The following CCDC178 variants were observed in gnomAD, a reference collection of about 807,000 sequenced individuals.
CCDC178 encodes coiled-coil domain containing 178, also known as coiled-coil domain-containing protein 178.
Under a neutral mutation model 117.4 loss-of-function variants are expected in CCDC178, and 126 were observed. The observed-to-expected ratio is 1.07, with a 90% CI of 0.93 to 1.24. CCDC178 has a LOEUF of 1.24. Among genes scored for constraint, CCDC178 ranks in the 50% most tolerant of loss-of-function variants. The probability of loss-of-function intolerance (pLI) is 0.00; values close to 1 mark genes in which losing one functional copy is unlikely to be tolerated. For synonymous variants in CCDC178, 283 were observed against 313.4 expected (o/e 0.90, Z 1.02); for missense variants, 1,030 against 986.9 (o/e 1.04, Z -0.59).
intron 12 of CCDC178, among the ~76,000 whole-genome samples, chr18:33,282,216 A>G (rs1371199173): frequency 2.6e-5 from 4 of 152,166 alleles, no homozygotes; most frequent in Admixed American, 2.6e-4. Context: ...GCAGGAAGGG[A>G]CCCCTTGACC....
intron 21 of CCDC178, among the ~76,000 whole-genome samples, chr18:32,996,859 T>C (rs567353040): frequency 5.2e-4 from 79 of 152,132 alleles, no homozygotes; most frequent in African/African-American, 1.7e-3. Flanking sequence ...AAAGAGATCA[T>C]ATAAATCAAT....
intron 21 of CCDC178, among the ~76,000 whole-genome samples, chr18:32,989,791 G>A (rs1408962015): frequency 6.6e-6 from 1 of 151,976 alleles, no homozygotes; most frequent in African/African-American, 2.4e-5. Flanking sequence ...GGGAGGGCCT[G>A]AGCAATGTAG....
chr18:33,254,850 A>G (rs1176115204), intron 14 of CCDC178, among the ~76,000 whole-genome samples: 2 of 152,052 alleles, frequency 1.3e-5, no homozygotes, highest in Non-Finnish European at 2.9e-5. Context: ...AGGCTAGAAC[A>G]TAAGGATTGC....
At chr18:33,092,650 A>T in intron 21 of CCDC178, 111 bp downstream of exon 21, 1 of 614,986 alleles carries the variant, frequency 1.6e-6, no homozygotes, top group Non-Finnish European at 2.9e-6. Context: ...AAAATAGGCC[A>T]TGTTGTGGAT....
chr18:33,295,558 T>TA (rs1451273069), intron 11 of CCDC178, among the ~76,000 whole-genome samples: 1 of 152,154 alleles, frequency 6.6e-6, no homozygotes, highest in African/African-American at 2.4e-5. Flanking sequence ...TTAAAAATCT[T>TA]ATATTTTCAA....
intron 14 of CCDC178, 65 bp from the exon 15 acceptor site, chr18:33,245,493 G>A: frequency 7.9e-7 from 1 of 1,263,352 alleles, no homozygotes; most frequent in Non-Finnish European, 1.0e-6. Flanking sequence ...TTTAATAATA[G>A]TAAAAAAGAA....
intron 11 of CCDC178, among the ~76,000 whole-genome samples, chr18:33,300,333 T>C (rs1184622178): frequency 6.6e-6 from 1 of 152,192 alleles, no homozygotes; most frequent in Non-Finnish European, 1.5e-5. Flanking sequence ...TATTTCTTTA[T>C]AGCAATGCAA....
intron 20 of CCDC178, among the ~76,000 whole-genome samples, chr18:33,124,568 T>C (rs2057980385): frequency 6.6e-6 from 1 of 152,218 alleles, no homozygotes; most frequent in Non-Finnish European, 1.5e-5. Context: ...TTTAGTTTAA[T>C]TACTTTCTAG....
At chr18:33,390,699 TG>T (rs1181885956) in intron 4 of CCDC178, among the ~76,000 whole-genome samples, 1 of 151,974 alleles carries the variant, frequency 6.6e-6, no homozygotes, top group African/African-American at 2.4e-5. Flanking sequence ...TCAGGGGTGA[TG>T]GAAATTTTTT....
chr18:33,373,776 T>G (rs982376042), intron 5 of CCDC178, among the ~76,000 whole-genome samples: 13 of 152,190 alleles, frequency 8.5e-5, no homozygotes, highest in Admixed American at 6.6e-5. Flanking sequence ...AAACAAATCC[T>G]CTATCATTTT....
At chr18:33,183,689 T>C (rs2058757181) in intron 20 of CCDC178, among the ~76,000 whole-genome samples, 3 of 151,946 alleles carry the variant, frequency 2.0e-5, no homozygotes, top group Admixed American at 2.0e-4. Context: ...ACTGGCGCTA[T>C]TGGGTTTGTG....
intron 22 of CCDC178, among the ~76,000 whole-genome samples, chr18:32,943,047 T>A (rs747919039): frequency 6.6e-6 from 1 of 152,206 alleles, no homozygotes; most frequent in East Asian, 1.9e-4. Context: ...AGCAGCTAGC[T>A]GCAGGCCTTT....
intron 21 of CCDC178, among the ~76,000 whole-genome samples, chr18:33,015,595 C>CAACAACAAA (rs1208217664): frequency 6.7e-6 from 1 of 148,906 alleles, no homozygotes; most frequent in African/African-American, 2.5e-5. Flanking sequence ...ACAACAACAA[C>CAACAACAAA]AAAAACAGGA....
chr18:33,250,112 A>C (rs2059602393), intron 14 of CCDC178, among the ~76,000 whole-genome samples: 1 of 151,804 alleles, frequency 6.6e-6, no homozygotes, highest in Non-Finnish European at 1.5e-5. Context: ...CTGGAAAGTG[A>C]ACAAAAAGGA....
At chr18:33,340,598 TC>T in intron 9 of CCDC178, among the ~76,000 whole-genome samples, 1 of 151,902 alleles carries the variant, frequency 6.6e-6, no homozygotes, top group African/African-American at 2.4e-5. Context: ...AGGCCCAGGG[TC>T]CCCATGCTGT....
intron 21 of CCDC178, among the ~76,000 whole-genome samples, chr18:33,015,348 G>A (rs1037075657): frequency 6.6e-6 from 1 of 151,700 alleles, no homozygotes; most frequent in African/African-American, 2.4e-5. Flanking sequence ...GGCAGATCAC[G>A]AGGTCAGGAG....
chr18:33,203,436 G>C (rs993537339), intron 20 of CCDC178, among the ~76,000 whole-genome samples: 3 of 151,906 alleles, frequency 2.0e-5, no homozygotes, highest in African/African-American at 7.3e-5. Context: ...TCTTGTCTCT[G>C]CTTTATTGAT....
At chr18:33,341,154 G>A (rs746681139) in intron 9 of CCDC178, among the ~76,000 whole-genome samples, 4 of 152,182 alleles carry the variant, frequency 2.6e-5, no homozygotes, top group Non-Finnish European at 4.4e-5. Flanking sequence ...GAGACCTGGA[G>A]TCAAAGGAGA....
chr18:33,317,012 G>C (rs2062428426), intron 11 of CCDC178, among the ~76,000 whole-genome samples: 1 of 152,092 alleles, frequency 6.6e-6, no homozygotes, highest in Non-Finnish European at 1.5e-5. Flanking sequence ...AGAACAATTG[G>C]CTCTCTGTAA....
Sources: allele counts gnomAD v4.1 joint callset (sites outside exome capture counted in the v4.1 genomes callset), GRCh38; gene constraint gnomAD v4.1.1; transcripts MANE v1.5; gene names NCBI Gene and HGNC (gene_info 2026-07-23, HGNC 2026-07-21).